The following AMMECR1 variants were observed in gnomAD, a reference collection of about 807,000 sequenced individuals.
The protein encoded by AMMECR1 is AMMECR nuclear protein 1.
In AMMECR1, 3 loss-of-function variants were observed where a neutral mutation model predicts 22.5. That is an observed-to-expected ratio of 0.13 (90% confidence interval 0.06 to 0.35). The LOEUF is 0.35. Among genes scored for constraint, AMMECR1 ranks in the 10% least tolerant of loss-of-function variants. AMMECR1 has a pLI of 1.00. For synonymous variants in AMMECR1, 130 were observed against 116.7 expected (o/e 1.11, Z -0.74); for missense variants, 235 against 278.7 (o/e 0.84, Z 1.12).
chrX:110,376,507 G>C (rs1236048473), intron 2 of AMMECR1, among the ~76,000 whole-genome samples: 1 of 111,998 alleles, frequency 8.9e-6, no homozygotes, highest in Non-Finnish European at 1.9e-5. Flanking sequence ...ACACCTTAGA[G>C]GCTTCAGATG....
intron 2 of AMMECR1, among the ~76,000 whole-genome samples, chrX:110,413,743 T>C (rs2148312502): frequency 9.1e-6 from 1 of 110,470 alleles, no homozygotes; most frequent in Non-Finnish European, 1.9e-5. Flanking sequence ...GGCTCTCCAG[T>C]TTTTTGAGCC....
At chrX:110,408,097 G>C (rs1257743846) in intron 2 of AMMECR1, among the ~76,000 whole-genome samples, 1 of 112,762 alleles carries the variant, frequency 8.9e-6, no homozygotes, top group African/African-American at 3.2e-5. Flanking sequence ...GGCAACAACA[G>C]GTATCAATTT....
intron 2 of AMMECR1, among the ~76,000 whole-genome samples, chrX:110,361,888 T>C (rs2068265987): frequency 8.9e-6 from 1 of 112,159 alleles, no homozygotes; most frequent in Non-Finnish European, 1.9e-5. Context: ...CTATCATTGT[T>C]ATACAAAAGC....
chrX:110,224,094 T>C (rs974940317), intron 2 of AMMECR1, among the ~76,000 whole-genome samples: 3 of 111,815 alleles, frequency 2.7e-5, no homozygotes, highest in South Asian at 3.7e-4. Flanking sequence ...AGAACTCTGA[T>C]TGATCATCCG....
chrX:110,251,854 T>G (rs2067687647), intron 2 of AMMECR1, among the ~76,000 whole-genome samples: 1 of 112,181 alleles, frequency 8.9e-6, no homozygotes. Flanking sequence ...TTACTGATAA[T>G]GCTTGTTTCT....
At chrX:110,255,173 T>G (rs930915306) in intron 2 of AMMECR1, among the ~76,000 whole-genome samples, 5 of 112,400 alleles carry the variant, frequency 4.4e-5, no homozygotes, top group Admixed American at 3.8e-4. Context: ...CCACATTGTT[T>G]TGGGTACTTT....
intron 2 of AMMECR1, among the ~76,000 whole-genome samples, chrX:110,242,625 A>G (rs776899976): frequency 3.6e-5 from 4 of 111,965 alleles, no homozygotes; most frequent in Non-Finnish European, 7.5e-5. Context: ...TAAGCTTGTG[A>G]CTCTTTAAAT....
At chrX:110,326,831 G>T in intron 2 of AMMECR1, among the ~76,000 whole-genome samples, 1 of 111,985 alleles carries the variant, frequency 8.9e-6, no homozygotes, top group Non-Finnish European at 1.9e-5. Context: ...AGGAGACTTC[G>T]TTAATTCAGG....
intron 2 of AMMECR1, among the ~76,000 whole-genome samples, chrX:110,361,215 G>A (rs1055971542): frequency 2.7e-5 from 3 of 111,022 alleles, no homozygotes; most frequent in Non-Finnish European, 5.7e-5. Flanking sequence ...GGAAGACCTA[G>A]GAATCAATCT....
intron 1 of AMMECR1, among the ~76,000 whole-genome samples, chrX:110,270,051 T>C (rs1157436091): frequency 9.0e-6 from 1 of 111,539 alleles, no homozygotes; most frequent in African/African-American, 3.3e-5. Flanking sequence ...GCTTTTCCTC[T>C]GAGTGTGTGC....
chrX:110,345,531 C>G, intron 2 of AMMECR1, among the ~76,000 whole-genome samples: 1 of 108,015 alleles, frequency 9.3e-6, no homozygotes, highest in East Asian at 2.9e-4. Context: ...AAGAAAAAAA[C>G]TTGAAAATAG....
intron 3 of AMMECR1, among the ~76,000 whole-genome samples, chrX:110,210,894 A>C (rs930358249): frequency 9.0e-6 from 1 of 111,674 alleles, no homozygotes; most frequent in African/African-American, 3.3e-5. Flanking sequence ...TTTATAGTCC[A>C]GGGACAGATT....
Position 110,196,930 on chromosome X carries a change from T to C in AMMECR1, c.*1590A>G, listed in dbSNP as rs910315405. ...CTTTTTTGTAGTTTTAGAATATATA[T>C]TCTGCAGCATACTTTAATTCATCAC... On this transcript the variant is annotated 3_prime_UTR_variant, in exon 6 of 6. Coordinates refer to ENST00000262844, the MANE Select transcript of AMMECR1 (RefSeq NM_015365.3). 10 of 112,377 alleles carry C rather than the reference T, an allele frequency of 8.9e-5. No individual in the cohort carries two copies. The highest frequency in any genetic ancestry group is 3.2e-4 in the African/African-American group (10 of 30,961). The allele number at this position is 112,377 out of a possible 1,213,427, so 9.3% of individuals were successfully genotyped here.
In AMMECR1 at chrX:110,216,464, C is replaced by CATCT. The variant is rs1161098300; in HGVS notation, c.699+50_699+53dup. ...GTTATTTTCTGGGCCTAATTTTTAACATCTCCTCAAGAGTTACCTTCATTT... is the reference window on the plus strand; with the variant it reads ...GTTATTTTCTGGGCCTAATTTTTAACATCTATCTCCTCAAGAGTTACCTTCATTT... On this transcript the variant is annotated intron_variant, in intron 3 of 5. Coordinates refer to ENST00000262844, the MANE Select transcript of AMMECR1 (RefSeq NM_015365.3). 15 of 906,301 alleles carry CATCT rather than the reference C, an allele frequency of 1.7e-5. No individual in the cohort carries two copies. The African/African-American group carries it at 3.0e-4, about 18-fold the overall frequency. 74.7% of individuals were successfully genotyped at this position (906,301 alleles called of 1,213,427 possible). A position where few individuals can be genotyped will look rare whatever the true frequency, so the allele number is the denominator to read the frequency against.
At chrX:110,308,050 A>G (rs961214132) in intron 1 of AMMECR1, among the ~76,000 whole-genome samples, 25 of 106,212 alleles carry the variant, frequency 2.4e-4, no homozygotes, top group African/African-American at 6.9e-4. Context: ...TTTCAAATAT[A>G]TAATTTGTAG....
intron 1 of AMMECR1, among the ~76,000 whole-genome samples, chrX:110,283,586 A>G (rs2067863705): frequency 8.9e-6 from 1 of 112,086 alleles, no homozygotes; most frequent in African/African-American, 3.2e-5. Flanking sequence ...TGTCTCACAC[A>G]GTGGGAAGGA....
chrX:110,357,029 C>A (rs2068233691), intron 2 of AMMECR1, among the ~76,000 whole-genome samples: 1 of 111,770 alleles, frequency 8.9e-6, no homozygotes, highest in African/African-American at 3.2e-5. Context: ...TTCTTCATTT[C>A]TTTCTTCTTT....
chrX:110,316,519 G>A (rs1312299425), intron 1 of AMMECR1, among the ~76,000 whole-genome samples: 1 of 109,279 alleles, frequency 9.2e-6, no homozygotes, highest in Non-Finnish European at 1.9e-5. Flanking sequence ...CCCTCTCTTG[G>A]TCTTTACATT....
intron 2 of AMMECR1, among the ~76,000 whole-genome samples, chrX:110,370,522 TTA>T (rs1444996184): frequency 8.9e-6 from 1 of 112,620 alleles, no homozygotes; most frequent in African/African-American, 3.2e-5. Flanking sequence ...TCTCTCTTCT[TTA>T]TGTTAGCTTT....
Sources: gnomAD v4.1 joint callset for allele counts (sites outside exome capture counted in the v4.1 genomes callset) on GRCh38, gnomAD v4.1.1 for gene constraint, MANE v1.5 for transcripts, NCBI Gene and HGNC (gene_info 2026-07-23, HGNC 2026-07-21) for gene names.